The following ZNF331 variants were observed in gnomAD, a reference collection of about 807,000 sequenced individuals.
ZNF331 encodes zinc finger protein 331.
ZNF331 carries 2 observed loss-of-function variants against 7.0 expected under a neutral mutation model. The ratio of observed to expected loss-of-function variants is 0.29; its 90% CI spans 0.12 to 0.90. ZNF331 has a LOEUF of 0.90. Ranked by LOEUF, ZNF331 falls within the 40% of genes least tolerant of loss-of-function variation. ZNF331 has a pLI of 0.58. For synonymous variants in ZNF331, 196 were observed against 205.4 expected (o/e 0.95, Z 0.39); for missense variants, 432 against 587.7 (o/e 0.74, Z 2.74).
At chr19:53,550,529 CTTTTTTT>C (rs60619357) in intron 2 of ZNF331, among the ~76,000 whole-genome samples, 7 of 64,550 alleles carry the variant, frequency 1.1e-4, no homozygotes, top group Admixed American at 5.2e-4. Context: ...TCTATTTTGT[CTTTTTTT>C]TTTTTTTTTT....
chr19:53,549,371 A>G (rs2088835374), intron 2 of ZNF331, among the ~76,000 whole-genome samples: 1 of 152,138 alleles, frequency 6.6e-6, no homozygotes, highest in Non-Finnish European at 1.5e-5. Context: ...TGCAGCAAAG[A>G]AAGACGGTTT....
At chr19:53,536,300 T>C (rs1174967249), upstream of ZNF331, 1 of 136,344 alleles carries the variant, frequency 7.3e-6, no homozygotes, top group African/African-American at 2.7e-5. Flanking sequence ...CAAACAGTCA[T>C]ACATTGTACT....
chr19:53,569,316 G>T lies in ZNF331; in HGVS notation c.-61G>T. 6.2e-7 allele frequency: 1 copy of T among 1,601,218 alleles called. No homozygotes were observed. Among genetic ancestry groups the T allele is most frequent in the Non-Finnish European group, 8.5e-7 (1 of 1,170,088 alleles). On this transcript the variant is annotated 5_prime_UTR_variant, in exon 4 of 6. Coordinates refer to ENST00000449416, the MANE Select transcript of ZNF331 (RefSeq NM_001079906.2). ...TTTCCACCCCTAGCTCTAGCCTCTCGGAATTTGTCTTCTTCAGTGGAAACC... is the reference window on the plus strand; with the variant it reads ...TTTCCACCCCTAGCTCTAGCCTCTCTGAATTTGTCTTCTTCAGTGGAAACC...
rs775711379 is a variant in ZNF331, at chr19:53,577,767, A to C, written c.1207A>C (p.Arg403=). Residue 403 remains arginine, a synonymous_variant, in exon 6 of 6, where the codon AGA becomes CGA. Coordinates refer to ENST00000449416, the MANE Select transcript of ZNF331 (RefSeq NM_001079906.2). ...IYGSSLVKHE[R]IHTGVKPYGC... is the part of the protein sequence containing the mutation. ...TGGATCGAGCCTCGTGAAACATGAG[A>C]GAATTCATACCGGGGTGAAACCCTA... is the stretch of plus-strand genomic sequence containing the variant. The C allele has an allele frequency of 1.2e-6, 2 of 1,613,984 alleles. No individual in the cohort carries two copies. Among genetic ancestry groups the C allele is most frequent in the Non-Finnish European group, 1.7e-6 (2 of 1,179,830 alleles).
intron 2 of ZNF331, chr19:53,522,735 C>T (rs2087134098): frequency 6.6e-6 from 1 of 152,194 alleles, no homozygotes; most frequent in Non-Finnish European, 1.5e-5. Context: ...CAACTTAAGA[C>T]TATTTACTTT....
upstream of ZNF331, among the ~76,000 whole-genome samples, chr19:53,533,497 T>G (rs1367353812): frequency 6.6e-6 from 1 of 152,218 alleles, no homozygotes; most frequent in African/African-American, 2.4e-5. Context: ...ATACATCTGA[T>G]AAGTCCATTT....
At chr19:53,538,485 C>T (rs2087892617) in intron 1 of ZNF331, 189 bp downstream of exon 1, 1 of 152,754 alleles carries the variant, frequency 6.5e-6, no homozygotes, top group South Asian at 2.1e-4. Flanking sequence ...GGACTCTGCT[C>T]CGTGAGGTGC....
At chr19:53,554,310 C>T (rs1181822917) in intron 2 of ZNF331, among the ~76,000 whole-genome samples, 14 of 152,064 alleles carry the variant, frequency 9.2e-5, no homozygotes, top group Admixed American at 8.5e-4. Context: ...GGGGTCTGGT[C>T]GCACATGCGG....
intron 3 of ZNF331, among the ~76,000 whole-genome samples, chr19:53,561,334 C>CAAAA (rs59551370): frequency 9.5e-5 from 10 of 104,878 alleles, no homozygotes; most frequent in African/African-American, 3.2e-4. Context: ...GCCTGCTGGC[C>CAAAA]AAAAAAAAAA....
chr19:53,579,823 A>G lies in ZNF331; in HGVS notation c.*1871A>G. 5.0e-6 allele frequency: 1 copy of G among 199,454 alleles called. No individual in the cohort carries two copies. The highest frequency in any genetic ancestry group is 1.0e-5 in the Non-Finnish European group (1 of 96,782). The allele number at this position is 199,454 out of a possible 1,614,324, so 12.4% of individuals were successfully genotyped here. A position where few individuals can be genotyped will look rare whatever the true frequency, so the allele number is the denominator to read the frequency against. On this transcript the variant is annotated 3_prime_UTR_variant, in exon 6 of 6. Transcript: ENST00000449416. Reference sequence around the variant, plus strand: ...TTAAGATAGGGAAAAGACAAGAAACAGGACTGGAAGAAGATGTTTGCTCTA... The same window carrying G: ...TTAAGATAGGGAAAAGACAAGAAACGGGACTGGAAGAAGATGTTTGCTCTA...
chr19:53,535,138 C>G (rs1600237501), upstream of ZNF331, among the ~76,000 whole-genome samples: 1 of 152,046 alleles, frequency 6.6e-6, no homozygotes, highest in South Asian at 2.1e-4. Context: ...TTTTGTTGCC[C>G]AGGCTGGAGT....
chr19:53,520,544 CTGCCAGTCTGAAATACGCTT>C (rs2087028164), upstream of ZNF331, among the ~76,000 whole-genome samples: 2 of 152,210 alleles, frequency 1.3e-5, 1 homozygote, highest in African/African-American at 4.8e-5. Context: ...TTTGAAGATT[CTGCCAGTCTGAAATACGCTT>C]TCCCAGAAGT....
At chr19:53,570,118 T>C (rs948057808) in intron 4 of ZNF331, among the ~76,000 whole-genome samples, 6 of 152,016 alleles carry the variant, frequency 3.9e-5, no homozygotes, top group Admixed American at 1.3e-4. Flanking sequence ...TAGCAGGCTA[T>C]GGTGGCATGT....
At chr19:53,563,579 A>G (rs1481892272) in intron 3 of ZNF331, among the ~76,000 whole-genome samples, 1 of 151,474 alleles carries the variant, frequency 6.6e-6, no homozygotes, top group African/African-American at 2.5e-5. Flanking sequence ...TGAGAAATAT[A>G]TTTTAATGTA....
At chr19:53,532,085 C>A (rs2087564240) in intron 2 of ZNF331, among the ~76,000 whole-genome samples, 1 of 152,008 alleles carries the variant, frequency 6.6e-6, no homozygotes, top group Admixed American at 6.5e-5. Flanking sequence ...GAATAACATA[C>A]CCTTCACCTT....
At chr19:53,538,011 G>A (rs972908439), upstream of ZNF331, 1 of 152,212 alleles carries the variant, frequency 6.6e-6, no homozygotes, top group Admixed American at 6.5e-5. Context: ...TCGGGGTCTG[G>A]GTACGTGCAC....
intron 2 of ZNF331, among the ~76,000 whole-genome samples, chr19:53,550,249 T>A (rs1335511430): frequency 1.3e-5 from 2 of 152,210 alleles, no homozygotes; most frequent in East Asian, 3.9e-4. Flanking sequence ...TAGGTCCATT[T>A]GGTCTAAAGC....
At position 53,539,433 on chromosome 19, in the gene ZNF331, A is replaced by G. The variant is rs962271842; in HGVS notation, c.-138+151A>G. On this transcript the variant is annotated intron_variant, in intron 2 of 5. Transcript: ENST00000449416. The surrounding 1 kb of genome is among the most constrained non-coding windows in gnomAD (Gnocchi z 6.1). Reference sequence around the variant, plus strand: ...TAGGCTTGTGAGGAGGGTGAAATGCATTAACACGCATAAAACCCATAGACG... The same window carrying G: ...TAGGCTTGTGAGGAGGGTGAAATGCGTTAACACGCATAAAACCCATAGACG... 8 of 152,192 alleles carry G rather than the reference A, an allele frequency of 5.3e-5. No homozygotes were observed. Among genetic ancestry groups the G allele is most frequent in the Admixed American group, 2.6e-4 (4 of 15,278 alleles). The allele number at this position is 152,192 out of a possible 1,614,324, so 9.4% of individuals were successfully genotyped here.
At chr19:53,562,278 G>A (rs887357215) in intron 3 of ZNF331, among the ~76,000 whole-genome samples, 6 of 152,160 alleles carry the variant, frequency 3.9e-5, no homozygotes, top group Non-Finnish European at 7.3e-5. Context: ...GGTAACATTA[G>A]CAAGGTTATA....
Sources: gnomAD v4.1 joint callset for allele counts (sites outside exome capture counted in the v4.1 genomes callset) on GRCh38, gnomAD v4.1.1 for gene constraint, Gnocchi (gnomAD v3.1) non-coding constraint, MANE v1.5 for transcripts, NCBI Gene and HGNC (gene_info 2026-07-23, HGNC 2026-07-21) for gene names.